ATF2: variants seen among roughly 807,000 people sequenced by gnomAD.
ATF2 encodes cyclic AMP-dependent transcription factor ATF-2.
Under a neutral mutation model 60.6 loss-of-function variants are expected in ATF2, and 24 were observed. The ratio of observed to expected loss-of-function variants is 0.40; its 90% CI spans 0.29 to 0.56. The LOEUF (loss-of-function observed/expected upper bound fraction) is 0.56. ATF2 is among the 20% of genes least tolerant of loss of function. The probability of loss-of-function intolerance (pLI) is 0.54; values close to 1 mark genes in which losing one functional copy is unlikely to be tolerated. For missense variants in ATF2, 433 were observed against 607.7 expected (o/e 0.71, Z 3.02); for synonymous variants, 206 against 215.4 (o/e 0.96, Z 0.38).
At chr2:175,084,020 T>C (rs904817070) in intron 12 of ATF2, among the ~76,000 whole-genome samples, 2 of 152,062 alleles carry the variant, frequency 1.3e-5, no homozygotes, top group African/African-American at 4.8e-5. Flanking sequence ...TATGGAGAAA[T>C]AGGAACACTT....
intron 10 of ATF2, among the ~76,000 whole-genome samples, chr2:175,110,336 A>AT (rs1559075806): frequency 2.0e-5 from 3 of 151,340 alleles, no homozygotes; most frequent in Admixed American, 6.6e-5. Flanking sequence ...CTCCATCTCA[A>AT]AAAATAAATA....
chr2:175,121,447 C>T lies in ATF2; in HGVS notation c.196G>A (p.Ala66Thr). Residue 66 changes from alanine (A) to threonine (T), a missense_variant, in exon 5 of 14, where the codon GCT becomes ACT. By Grantham distance (58) the Ala-to-Thr change is moderately conservative. Transcript: ENST00000264110. Reference sequence around the variant, plus strand: ...ATTAATAAAAGCATATACTAACCAGCCACAATGACACTGTCATTACGTGCT... The same window carrying T: ...ATTAATAAAAGCATATACTAACCAGTCACAATGACACTGTCATTACGTGCT... ...GPARNDSVIV[A>T]DQTPTPTRFL... 6.3e-7 allele frequency: 1 copy of T among 1,588,948 alleles called. No individual in the cohort carries two copies. Among genetic ancestry groups the T allele is most frequent in the Non-Finnish European group, 8.6e-7 (1 of 1,166,700 alleles).
chr2:175,145,836 T>C (rs1348829807), intron 2 of ATF2, among the ~76,000 whole-genome samples: 1 of 152,150 alleles, frequency 6.6e-6, no homozygotes, highest in African/African-American at 2.4e-5. Flanking sequence ...TAAATAATGA[T>C]AGTAATGGAT....
chr2:175,141,042 T>C (rs1559107468), intron 2 of ATF2, among the ~76,000 whole-genome samples: 2 of 120,402 alleles, frequency 1.7e-5, no homozygotes, highest in Non-Finnish European at 3.4e-5. Flanking sequence ...TATATATATA[T>C]ATATATATAT....
intron 12 of ATF2, among the ~76,000 whole-genome samples, chr2:175,088,353 T>C (rs2300582): frequency 0.069 from 10,524 of 152,194 alleles, 369 homozygotes; most frequent in East Asian, 0.13. Flanking sequence ...TTTTTTCCTA[T>C]TTCAAGTGAT....
chr2:175,161,950 G>A (rs1342585627), intron 1 of ATF2, among the ~76,000 whole-genome samples: 2 of 151,924 alleles, frequency 1.3e-5, no homozygotes, highest in Admixed American at 1.3e-4. Flanking sequence ...TAGTAGAGAT[G>A]GTGTTTTCTC....
intron 12 of ATF2, 69 bp downstream of exon 12, chr2:175,092,992 G>GAA: frequency 2.7e-6 from 4 of 1,454,646 alleles, no homozygotes; most frequent in African/African-American, 2.9e-5. Flanking sequence ...GCCCAACTAG[G>GAA]AAAAAAAAAA....
At position 175,114,060 on chromosome 2, in the gene ATF2, T is replaced by G; in HGVS notation, c.675A>C (p.Gln225His). ...FPLLLHLPNG[Q>H]TMPVAIPASI... ...ATGCAGGAATAGCAACAGGCATGGT[T>G]TGTCCATTAGGAAGATGTAACAGAA... Residue 225 changes from glutamine to histidine, a missense_variant, in exon 9 of 14, where the codon CAA (glutamine) becomes CAC (histidine). Gln to His is a conservative substitution (Grantham distance 24). Coordinates refer to ENST00000264110, the MANE Select transcript of ATF2 (RefSeq NM_001880.4). 1 of 1,613,292 alleles carries G rather than the reference T, an allele frequency of 6.2e-7. No homozygotes were observed. Among genetic ancestry groups the G allele is most frequent in the South Asian group, 1.1e-5 (1 of 90,972 alleles).
chr2:175,132,663 C>T (rs1159465750), intron 3 of ATF2: 3 of 152,180 alleles, frequency 2.0e-5, no homozygotes, highest in Non-Finnish European at 4.4e-5. Context: ...AAGATAGGTA[C>T]TAATTCTTCC....
At chr2:175,088,285 C>T (rs993937957) in intron 12 of ATF2, among the ~76,000 whole-genome samples, 1 of 152,018 alleles carries the variant, frequency 6.6e-6, no homozygotes, top group African/African-American at 2.4e-5. Flanking sequence ...GAAGATAGAT[C>T]ATAGAATTCA....
At chr2:175,083,251 A>G (rs894961484) in intron 12 of ATF2, among the ~76,000 whole-genome samples, 3 of 152,092 alleles carry the variant, frequency 2.0e-5, no homozygotes, top group African/African-American at 7.2e-5. Context: ...AAACTATACT[A>G]CAAGGCTACA....
chr2:175,099,001 T>G (rs968989539), intron 10 of ATF2, among the ~76,000 whole-genome samples: 1 of 152,172 alleles, frequency 6.6e-6, no homozygotes, highest in African/African-American at 2.4e-5. Context: ...CTGGGTGTGA[T>G]TTTTAAAATA....
At chr2:175,080,014 C>G (rs1186997727) in intron 13 of ATF2, among the ~76,000 whole-genome samples, 1 of 151,966 alleles carries the variant, frequency 6.6e-6, no homozygotes, top group Non-Finnish European at 1.5e-5. Flanking sequence ...AAGGACATTA[C>G]AAAAAGGAAA....
chr2:175,162,862 A>G (rs1389355924), intron 1 of ATF2, among the ~76,000 whole-genome samples: 1 of 152,150 alleles, frequency 6.6e-6, no homozygotes, highest in Non-Finnish European at 1.5e-5. Flanking sequence ...GGCTGGGTGC[A>G]GTGGCTCATG....
chr2:175,167,681 G>T (rs370557483), intron 1 of ATF2: 12 of 504,944 alleles, frequency 2.4e-5, no homozygotes, highest in African/African-American at 2.1e-4. Context: ...CTCGACGCGC[G>T]CCCCGAGGAC....
At chr2:175,098,625 C>T (rs1372029156) in intron 10 of ATF2, among the ~76,000 whole-genome samples, 1 of 152,174 alleles carries the variant, frequency 6.6e-6, no homozygotes, top group African/African-American at 2.4e-5. Flanking sequence ...AAATACATAA[C>T]TGTCTGGGGT....
chr2:175,090,113 G>A (rs1202378568), intron 12 of ATF2, among the ~76,000 whole-genome samples: 3 of 152,016 alleles, frequency 2.0e-5, no homozygotes, highest in Non-Finnish European at 4.4e-5. Flanking sequence ...ACCACCCTCT[G>A]TCTAGTAACA....
At chr2:175,153,253 T>C (rs2105817816) in intron 1 of ATF2, among the ~76,000 whole-genome samples, 1 of 152,224 alleles carries the variant, frequency 6.6e-6, no homozygotes, top group East Asian at 1.9e-4. Context: ...AAGGAGCCTC[T>C]GCTTTGCCCC....
chr2:175,096,250 C>A lies in ATF2; in HGVS notation c.978+1194G>T, dbSNP rs561999795. On this transcript the variant is annotated intron_variant, in intron 11 of 13. Coordinates refer to ENST00000264110, the MANE Select transcript of ATF2 (RefSeq NM_001880.4). ...ACTAGAAAGAATTAGAAAAGCACTG[C>A]AGGCATATAACAATATCAATCATCT... Among the ~76,000 whole-genome samples, 578 of 152,252 alleles carry A rather than the reference C, an allele frequency of 3.8e-3. 4 individuals carry two copies. Among genetic ancestry groups the A allele is most frequent in the African/African-American group, 0.013 (560 of 41,550 alleles).
Sources: gnomAD v4.1 joint callset for allele counts (sites outside exome capture counted in the v4.1 genomes callset) on GRCh38, gnomAD v4.1.1 for gene constraint, MANE v1.5 for transcripts, NCBI Gene and HGNC (gene_info 2026-07-23, HGNC 2026-07-21) for gene names.